Variants in SLC10A7 observed in about 807,000 individuals in gnomAD.
SLC10A7 encodes sodium/bile acid cotransporter 7.
A neutral mutation model predicts 43.2 loss-of-function variants in SLC10A7; 29 were observed. The observed-to-expected ratio is 0.67, with a 90% CI of 0.50 to 0.92. The LOEUF (loss-of-function observed/expected upper bound fraction) is 0.92. Ranked by LOEUF, SLC10A7 falls within the 40% of genes least tolerant of loss-of-function variation. The pLI is 0.00. For missense variants in SLC10A7, 295 were observed against 403.2 expected, an observed-to-expected ratio of 0.73 and a Z score of 2.30; for synonymous variants, 152 against 144.8, an observed-to-expected ratio of 1.05 and a Z score of -0.35.
intron 5 of SLC10A7, among the ~76,000 whole-genome samples, chr4:146,353,859 A>C (rs1009302748): frequency 8.9e-6 from 1 of 111,750 alleles, no homozygotes; most frequent in African/African-American, 3.5e-5. Context: ...AAAAACTCTC[A>C]ATAAATTAGG....
chr4:146,318,389 A>G (rs1178234115), intron 6 of SLC10A7, among the ~76,000 whole-genome samples: 1 of 152,086 alleles, frequency 6.6e-6, no homozygotes. Flanking sequence ...TTGAAATATT[A>G]GCAGCAACTG....
intron 10 of SLC10A7, among the ~76,000 whole-genome samples, chr4:146,273,306 T>C (rs1056948642): frequency 6.6e-6 from 1 of 152,106 alleles, no homozygotes; most frequent in Non-Finnish European, 1.5e-5. Flanking sequence ...TCACTCAGGC[T>C]GAGCAAGCAT....
chr4:146,516,534 C>A (rs1216893763), intron 2 of SLC10A7, among the ~76,000 whole-genome samples: 2 of 148,806 alleles, frequency 1.3e-5, no homozygotes, highest in Non-Finnish European at 3.0e-5. Context: ...TGAAAAACAT[C>A]AATATTTCTC....
intron 4 of SLC10A7, among the ~76,000 whole-genome samples, chr4:146,479,497 C>T (rs1348437835): frequency 1.3e-5 from 2 of 151,940 alleles, no homozygotes; most frequent in Non-Finnish European, 2.9e-5. Context: ...AATTGTGTTA[C>T]AATGGAATAA....
chr4:146,308,817 C>T (rs1380136515), intron 6 of SLC10A7, among the ~76,000 whole-genome samples: 1 of 152,096 alleles, frequency 6.6e-6, no homozygotes, highest in African/African-American at 2.4e-5. Context: ...AGAAAACTCA[C>T]CATTAGCTTG....
chr4:146,343,102 T>C (rs565392945), intron 5 of SLC10A7, among the ~76,000 whole-genome samples: 19 of 152,120 alleles, frequency 1.2e-4, no homozygotes, highest in African/African-American at 3.6e-4. Flanking sequence ...CCTTTAAAGT[T>C]ATTTTTTCAT....
At chr4:146,499,731 T>C (rs957047012) in intron 4 of SLC10A7, among the ~76,000 whole-genome samples, 1 of 152,184 alleles carries the variant, frequency 6.6e-6, no homozygotes, top group African/African-American at 2.4e-5. Context: ...TTGACAATCA[T>C]GAAGCTATAC....
At chr4:146,365,589 G>T (rs911004057) in intron 5 of SLC10A7, among the ~76,000 whole-genome samples, 2 of 152,162 alleles carry the variant, frequency 1.3e-5, no homozygotes, top group Non-Finnish European at 2.9e-5. Context: ...ACACTTAATG[G>T]TAAAGAAAGG....
At chr4:146,455,154 C>T (rs1267000140) in intron 4 of SLC10A7, among the ~76,000 whole-genome samples, 3 of 151,704 alleles carry the variant, frequency 2.0e-5, no homozygotes. Flanking sequence ...AAAATAAATA[C>T]CATAGAGTAC....
At chr4:146,316,923 G>C (rs1237509372) in intron 6 of SLC10A7, among the ~76,000 whole-genome samples, 4 of 151,974 alleles carry the variant, frequency 2.6e-5, no homozygotes, top group African/African-American at 4.8e-5. Flanking sequence ...GCTCTTTACA[G>C]TTTACAATAT....
At chr4:146,258,866 A>C (rs1728042999) in intron 10 of SLC10A7, 29 bp from the exon 11 acceptor site, 2 of 1,594,148 alleles carry the variant, frequency 1.3e-6, no homozygotes, top group Admixed American at 3.7e-5. Context: ...AGAAAACCTA[A>C]ACCAAATTCA....
rs1738381968 is a variant in SLC10A7 at position 146,390,914 on chromosome 4, G to A, written c.435+51869C>T. Among the ~76,000 whole-genome samples, 7 of 152,040 alleles carry A rather than the reference G, an allele frequency of 4.6e-5. No homozygotes were observed. In the South Asian group the frequency reaches 1.5e-3, roughly 32 times the overall value. The stretch of plus-strand genomic sequence containing the variant: ...AAAGGTGGGAAATACGGAAGCAAGA[G>A]GGGTTTTAGAAGAAACTAACGCTCA... On this transcript the variant is annotated intron_variant, in intron 5 of 11. Transcript: ENST00000335472.
chr4:146,456,093 C>T (rs1732027148), intron 4 of SLC10A7, among the ~76,000 whole-genome samples: 1 of 151,178 alleles, frequency 6.6e-6, no homozygotes, highest in South Asian at 2.1e-4. Context: ...GGAAAGATGG[C>T]ATAATTCCAA....
intron 5 of SLC10A7, among the ~76,000 whole-genome samples, chr4:146,407,661 G>T (rs932344612): frequency 1.3e-5 from 2 of 152,176 alleles, no homozygotes; most frequent in African/African-American, 4.8e-5. Context: ...AACAGCTACT[G>T]TGCCAGACTA....
At position 146,255,610 on chromosome 4, in the gene SLC10A7, A is replaced by G. The variant is rs1424036911; in HGVS notation, c.*881T>C. ...GCTCAGCACATCTGCGTAATAGGAA[A>G]AAAATTTGGTCTGGGTTGTGGAATG... On this transcript the variant is annotated 3_prime_UTR_variant, in exon 12 of 12. Coordinates refer to ENST00000335472, the MANE Select transcript of SLC10A7 (RefSeq NM_001029998.6). 1 of 152,288 alleles carries G rather than the reference A, an allele frequency of 6.6e-6. No individual in the cohort carries two copies. The highest frequency in any genetic ancestry group is 1.5e-5 in the Non-Finnish European group (1 of 68,034). The allele number at this position is 152,288 out of a possible 1,614,324, so 9.4% of individuals were successfully genotyped here. A position where few individuals can be genotyped will look rare whatever the true frequency, so the allele number is the denominator to read the frequency against.
chr4:146,414,535 C>T (rs1216723602), intron 5 of SLC10A7, among the ~76,000 whole-genome samples: 1 of 151,962 alleles, frequency 6.6e-6, no homozygotes, highest in Non-Finnish European at 1.5e-5. Flanking sequence ...ACTAGCCTGG[C>T]CAACATGGTG....
intron 5 of SLC10A7, among the ~76,000 whole-genome samples, chr4:146,403,376 C>T (rs1739355036): frequency 6.6e-6 from 1 of 152,128 alleles, no homozygotes; most frequent in Non-Finnish European, 1.5e-5. Context: ...ATGGAGTTTC[C>T]ATTTTTCCCC....
chr4:146,477,153 C>G (rs1734098188), intron 4 of SLC10A7, among the ~76,000 whole-genome samples: 1 of 152,224 alleles, frequency 6.6e-6, no homozygotes, highest in Non-Finnish European at 1.5e-5. Flanking sequence ...ATTGCTAACA[C>G]ATATCTCCAA....
chr4:146,357,572 A>G (rs1337703980), intron 5 of SLC10A7, among the ~76,000 whole-genome samples: 2 of 152,224 alleles, frequency 1.3e-5, no homozygotes, highest in Non-Finnish European at 2.9e-5. Context: ...ATGCTCTACC[A>G]TAAGTCCGTT....
Sources: gnomAD v4.1 joint callset for allele counts (sites outside exome capture counted in the v4.1 genomes callset) on GRCh38, gnomAD v4.1.1 for gene constraint, MANE v1.5 for transcripts, NCBI Gene and HGNC (gene_info 2026-07-23, HGNC 2026-07-21) for gene names.